The following CEP95 variants were observed in gnomAD, a reference collection of about 807,000 sequenced individuals.
CEP95 encodes centrosomal protein of 95 kDa.
A neutral mutation model predicts 111.2 loss-of-function variants in CEP95; 98 were observed. The ratio of observed to expected loss-of-function variants is 0.88; its 90% confidence interval spans 0.75 to 1.04. CEP95 has a LOEUF of 1.04. Among genes scored for constraint, CEP95 ranks in the 50% least tolerant of loss-of-function variants. The pLI is 0.00. For synonymous variants in CEP95, 323 were observed against 327.1 expected, an observed-to-expected ratio of 0.99 and a Z score of 0.14; for missense variants, 1,027 against 977.2, an observed-to-expected ratio of 1.05 and a Z score of -0.68.
intron 4 of CEP95, among the ~76,000 whole-genome samples, chr17:64,515,192 G>A (rs759817606): frequency 2.0e-5 from 3 of 152,196 alleles, no homozygotes; most frequent in Non-Finnish European, 4.4e-5. Flanking sequence ...GGTACTCTGG[G>A]AGGATTCCAA....
chr17:64,534,819 T>C (rs782662453), intron 17 of CEP95, 82 bp downstream of exon 17: 2 of 1,491,788 alleles, frequency 1.3e-6, no homozygotes, highest in South Asian at 1.2e-5. Context: ...TTCGTGACTC[T>C]TGTCCAAATT....
At chr17:64,516,895 C>A in intron 5 of CEP95, 67 bp downstream of exon 5, 1 of 893,540 alleles carries the variant, frequency 1.1e-6, no homozygotes, top group Non-Finnish European at 1.8e-6. Flanking sequence ...ATTAAAATCA[C>A]ACGTAATATA....
intron 6 of CEP95, among the ~76,000 whole-genome samples, 193 bp downstream of exon 6, chr17:64,519,629 C>T (rs1490191459): frequency 1.3e-5 from 2 of 152,050 alleles, no homozygotes; most frequent in African/African-American, 4.8e-5. Flanking sequence ...CAGATAAGTC[C>T]AAGGCAAATA....
chr17:64,536,944 C>A, intron 18 of CEP95, 97 bp from the exon 19 acceptor site: 1 of 1,292,322 alleles, frequency 7.7e-7, no homozygotes, highest in Non-Finnish European at 1.1e-6. Flanking sequence ...TTCCCTATTT[C>A]CATTAAAATG....
At chr17:64,531,223 A>C in intron 13 of CEP95, 1 of 393,290 alleles carries the variant, frequency 2.5e-6, no homozygotes, top group Non-Finnish European at 4.5e-6. Flanking sequence ...GGTTCCAAAG[A>C]AAAGTAGTGT....
chr17:64,533,113 C>G lies in CEP95; in HGVS notation c.1843-4C>G. On this transcript the variant is annotated splice_polypyrimidine_tract_variant and splice_region_variant and intron_variant, in intron 15 of 19. Coordinates refer to ENST00000556440, the MANE Select transcript of CEP95 (RefSeq NM_138363.3). The stretch of plus-strand genomic sequence containing the variant: ...ACCTACTTAACTTCATGTCCCCCTT[C>G]AAGATAGAAGAAGCCCTAAGAAGGC... 6.2e-7 allele frequency: 1 copy of G among 1,607,038 alleles called. No homozygotes were observed. Among genetic ancestry groups the G allele is most frequent in the Non-Finnish European group, 8.5e-7 (1 of 1,177,928 alleles).
chr17:64,507,552 C>T (rs1444409257), intron 1 of CEP95: 4 of 1,056,774 alleles, frequency 3.8e-6, no homozygotes, highest in Non-Finnish European at 3.4e-6. Flanking sequence ...TAGAATATGC[C>T]CCTGTAGAAT....
In CEP95 at chr17:64,534,667, G is replaced by A. The variant is rs370403874; in HGVS notation, c.2000G>A (p.Arg667Gln). 5.0e-6 allele frequency: 8 copies of A among 1,613,538 alleles called. No individual in the cohort carries two copies. The highest frequency in any genetic ancestry group is 5.9e-6 in the Non-Finnish European group (7 of 1,179,680). ...AATCGACAGCAAATCGTTCGTGCTCGAAAATATTATGATGATTATAGAGTT... is the reference window on the plus strand; with the variant it reads ...AATCGACAGCAAATCGTTCGTGCTCAAAAATATTATGATGATTATAGAGTT... ...KENRQQIVRARKYYDDYRVQL... is the reference protein window; with the variant it reads ...KENRQQIVRAQKYYDDYRVQL... Residue 667 changes from arginine to glutamine, a missense_variant, in exon 17 of 20, where the codon CGA (arginine) becomes CAA (glutamine). Transcript: ENST00000556440.
rs1555680453 is a variant in CEP95, at chr17:64,532,073, A to C, written c.1672+51A>C. 2.7e-6 allele frequency: 4 copies of C among 1,491,282 alleles called. No individual in the cohort carries two copies. In the African/African-American group the frequency reaches 4.3e-5, roughly 16 times the overall value. 92.4% of individuals were successfully genotyped at this position (1,491,282 alleles called of 1,614,324 possible). On this transcript the variant is annotated intron_variant, in intron 14 of 19. Transcript: ENST00000556440. ...TGGAAAACTGGCAACCTTTGAAAGCATGTGCAACATTCCAAGGACACAGCA... is the reference window on the plus strand; with the variant it reads ...TGGAAAACTGGCAACCTTTGAAAGCCTGTGCAACATTCCAAGGACACAGCA...
At chr17:64,525,258 C>T (rs930914242) in intron 8 of CEP95, among the ~76,000 whole-genome samples, 2 of 151,768 alleles carry the variant, frequency 1.3e-5, no homozygotes, top group Non-Finnish European at 2.9e-5. Context: ...GCAGGAGAAT[C>T]GCTTGAACCT....
intron 3 of CEP95, among the ~76,000 whole-genome samples, chr17:64,512,447 C>T (rs868987865): frequency 7.9e-5 from 12 of 152,220 alleles, no homozygotes; most frequent in African/African-American, 2.6e-4. Context: ...TATTCTAAAA[C>T]TAAGCATACC....
At chr17:64,510,340 T>G in intron 3 of CEP95, 60 bp downstream of exon 3, 1 of 1,046,076 alleles carries the variant, frequency 9.6e-7, no homozygotes, top group East Asian at 2.6e-5. Context: ...TTGTTAGAAC[T>G]GTAGACATTG....
intron 10 of CEP95, among the ~76,000 whole-genome samples, chr17:64,526,702 T>C (rs1222405958): frequency 6.6e-6 from 1 of 152,228 alleles, no homozygotes; most frequent in East Asian, 1.9e-4. Flanking sequence ...GGCTCACAAC[T>C]GTAATTCCAA....
chr17:64,522,733 T>C lies in CEP95; in HGVS notation c.747T>C (p.Asn249=), dbSNP rs376266622. The C allele has an allele frequency of 6.2e-7, 1 of 1,613,468 alleles. No homozygotes were observed. The highest frequency in any genetic ancestry group is 2.2e-5 in the East Asian group (1 of 44,868). ...CCCTTTCTGTGAGTGGGATTCCAAA[T>C]GCTAGGAAGCTAGGGGAGCCTATCC... is the stretch of plus-strand genomic sequence containing the variant. ...TETLSVSGIP[N]ARKLGEPIRA... The change falls in exon 8 of 20, where the codon AAT becomes AAC. Residue 249 remains asparagine (N), a synonymous_variant. Coordinates refer to ENST00000556440, the MANE Select transcript of CEP95 (RefSeq NM_138363.3).
chr17:64,532,276 T>C, intron 14 of CEP95: 1 of 1,212,008 alleles, frequency 8.3e-7, no homozygotes. Context: ...AGCGTTAGCC[T>C]CACTCGTGTG....
chr17:64,528,620 A>G (rs1277835996), intron 11 of CEP95, among the ~76,000 whole-genome samples: 4 of 152,254 alleles, frequency 2.6e-5, no homozygotes, highest in African/African-American at 9.6e-5. Context: ...TGAAAAAAAT[A>G]ATAAGCTCGG....
chr17:64,507,996 TCCC>T (rs2038663036), intron 1 of CEP95: 1 of 985,216 alleles, frequency 1.0e-6, no homozygotes, highest in Non-Finnish European at 1.2e-6. Flanking sequence ...TTCATGTACT[TCCC>T]ATATTTTCTT....
intron 4 of CEP95, chr17:64,515,865 G>C (rs2039111794): frequency 6.6e-6 from 1 of 152,178 alleles, no homozygotes; most frequent in Admixed American, 6.5e-5. Flanking sequence ...ACCTGAGCTA[G>C]CATTATCATT....
At chr17:64,535,829 G>C (rs530689206) in intron 17 of CEP95, 1 of 152,294 alleles carries the variant, frequency 6.6e-6, no homozygotes, top group Admixed American at 6.5e-5. Context: ...ATCAGTTAAT[G>C]AATGGATAAA....
Sources: allele counts gnomAD v4.1 joint callset (sites outside exome capture counted in the v4.1 genomes callset), GRCh38; gene constraint gnomAD v4.1.1; transcripts MANE v1.5; gene names NCBI Gene and HGNC (gene_info 2026-07-23, HGNC 2026-07-21).